SESN1: variants seen among roughly 807,000 people sequenced by gnomAD.
The protein encoded by SESN1 is sestrin-1.
In SESN1, 30 loss-of-function variants were observed where a neutral mutation model predicts 59.3. The ratio of observed to expected loss-of-function variants is 0.51; its 90% CI spans 0.38 to 0.69. The LOEUF (loss-of-function observed/expected upper bound fraction) is 0.69, where lower values mean the gene tolerates loss of function less well. SESN1 is among the 30% of genes least tolerant of loss of function. The pLI is 0.00. For synonymous variants in SESN1, 197 were observed against 219.9 expected, an observed-to-expected ratio of 0.90 and a Z score of 0.92; for missense variants, 566 against 673.0, an observed-to-expected ratio of 0.84 and a Z score of 1.76.
chr6:108,984,862 G>A lies in SESN1; in HGVS notation c.*2682C>T, dbSNP rs967072818. 1.3e-5 allele frequency among the ~76,000 whole-genome samples: 2 copies of A among 152,038 alleles called. No homozygotes were observed. The highest frequency in any genetic ancestry group is 2.4e-5 in the African/African-American group (1 of 41,406). On this transcript the variant is annotated 3_prime_UTR_variant, in exon 10 of 10. Transcript: ENST00000436639. ...ACAAACTTTCCTAGCCTTTTGGTGC[G>A]GCCTTTTCCTGGCTTTGCATTTGCC...
chr6:109,009,375 C>A, intron 1 of SESN1: 1 of 1,468,092 alleles, frequency 6.8e-7, no homozygotes, highest in Non-Finnish European at 9.0e-7. Context: ...CTGGTCGCGG[C>A]CCCCGCCGCA....
intron 1 of SESN1, among the ~76,000 whole-genome samples, chr6:109,037,409 G>T (rs909388828): frequency 6.6e-6 from 1 of 152,120 alleles, no homozygotes; most frequent in African/African-American, 2.4e-5. Context: ...TCTTTGCAGA[G>T]CAATAATTAA....
chr6:109,012,589 T>C (rs1779877000), intron 1 of SESN1, among the ~76,000 whole-genome samples: 1 of 152,160 alleles, frequency 6.6e-6, no homozygotes, highest in Non-Finnish European at 1.5e-5. Flanking sequence ...CAAGATAGGC[T>C]TCCTGAAGGA....
intron 1 of SESN1, among the ~76,000 whole-genome samples, chr6:109,037,326 A>G (rs1780265050): frequency 6.6e-6 from 1 of 152,232 alleles, no homozygotes; most frequent in African/African-American, 2.4e-5. Context: ...AGGGCACAGA[A>G]AAGAAGTATG....
chr6:109,000,846 G>A (rs573274706), intron 3 of SESN1, among the ~76,000 whole-genome samples, 173 bp from the exon 4 acceptor site: 9 of 152,180 alleles, frequency 5.9e-5, no homozygotes, highest in African/African-American at 2.2e-4. Context: ...AATACTGTAA[G>A]AACCTTAGAA....
intron 7 of SESN1, 75 bp from the exon 8 acceptor site, chr6:108,990,910 G>A (rs1054646371): frequency 7.8e-6 from 10 of 1,282,130 alleles, no homozygotes; most frequent in Middle Eastern, 2.7e-4. Flanking sequence ...CTGTAGCATG[G>A]TAAAAATCAT....
chr6:108,992,872 G>A lies in SESN1; in HGVS notation c.1148C>T (p.Ala383Val). The change falls in exon 7 of 10, where the codon GCT (alanine) becomes GTT (valine). Residue 383 changes from alanine (A) to valine (V), a missense_variant. Ala to Val is a moderately conservative substitution (Grantham distance 64). Transcript: ENST00000436639. ...SDDEEVTPAR[A>V]VSRHFEDTSY... Reference sequence around the variant, plus strand: ...AGTATCCTCAAAATGACGAGATACAGCTCTTGCTGGTGTAACTTCTTCATC... The same window carrying A: ...AGTATCCTCAAAATGACGAGATACAACTCTTGCTGGTGTAACTTCTTCATC... The A allele has an allele frequency of 6.2e-7, 1 of 1,612,746 alleles. No homozygotes were observed. The highest frequency in any genetic ancestry group is 8.5e-7 in the Non-Finnish European group (1 of 1,179,088).
chr6:109,010,661 G>A (rs1779843311), intron 1 of SESN1, among the ~76,000 whole-genome samples: 1 of 151,062 alleles, frequency 6.6e-6, no homozygotes, highest in Non-Finnish European at 1.5e-5. Context: ...TAATAAATAA[G>A]ATAAATGATA....
intron 1 of SESN1, among the ~76,000 whole-genome samples, chr6:109,015,923 AT>A (rs781222860): frequency 2.6e-5 from 4 of 152,216 alleles, no homozygotes; most frequent in Non-Finnish European, 5.9e-5. Flanking sequence ...TAGTGCTTCT[AT>A]TTGTGCACAG....
In SESN1 at chr6:109,000,465, C is replaced by T. The variant is rs1779591960; in HGVS notation, c.729+26G>A. On this transcript the variant is annotated intron_variant, in intron 4 of 9. Transcript: ENST00000436639. The stretch of plus-strand genomic sequence containing the variant: ...GCTCTAAAAAAGTCTGAAATGACTC[C>T]CAAGATATATTACCCCACTGCTTAC... 5 of 1,460,080 alleles carry T rather than the reference C, an allele frequency of 3.4e-6. No homozygotes were observed. In the East Asian group the frequency reaches 1.3e-4, roughly 37 times the overall value. The allele number at this position is 1,460,080 out of a possible 1,614,324, so 90.4% of individuals were successfully genotyped here. A position where few individuals can be genotyped will look rare whatever the true frequency, so the allele number is the denominator to read the frequency against.
At chr6:109,092,712 A>G (rs1159423097) in intron 1 of SESN1, among the ~76,000 whole-genome samples, 1 of 152,212 alleles carries the variant, frequency 6.6e-6, no homozygotes, top group Non-Finnish European at 1.5e-5. Flanking sequence ...AGATAGAGAA[A>G]TAACTTTTTG....
chr6:108,991,495 G>C (rs1583258561), intron 7 of SESN1, among the ~76,000 whole-genome samples: 1 of 152,168 alleles, frequency 6.6e-6, no homozygotes, highest in East Asian at 1.9e-4. Context: ...TCCCATCTTG[G>C]TCTCTCAAAG....
chr6:109,009,063 G>A, intron 1 of SESN1: 1 of 944,008 alleles, frequency 1.1e-6, no homozygotes, highest in South Asian at 4.5e-5. Flanking sequence ...TTACGTATTG[G>A]AGACTTTCAT....
chr6:109,002,777 A>G (rs1779654165), intron 1 of SESN1, among the ~76,000 whole-genome samples: 1 of 152,250 alleles, frequency 6.6e-6, no homozygotes. Context: ...AAAAAGTGTA[A>G]TTATTATTAC....
In SESN1 at chr6:108,987,541, G is replaced by C; in HGVS notation, c.*3C>G. The C allele has an allele frequency of 6.5e-7, 1 of 1,531,940 alleles. No homozygotes were observed. Among genetic ancestry groups the C allele is most frequent in the Non-Finnish European group, 9.0e-7 (1 of 1,106,528 alleles). The allele number at this position is 1,531,940 out of a possible 1,614,324, so 94.9% of individuals were successfully genotyped here. On this transcript the variant is annotated 3_prime_UTR_variant, in exon 10 of 10. Coordinates refer to ENST00000436639, the MANE Select transcript of SESN1 (RefSeq NM_014454.3). ...CAGAATCATCTTTAATGAAGGAAAGGCATCAGGTCATATAGCGGGTAATGG... is the reference window on the plus strand; with the variant it reads ...CAGAATCATCTTTAATGAAGGAAAGCCATCAGGTCATATAGCGGGTAATGG...
Position 109,021,330 on chromosome 6 carries a change from T to C in SESN1, c.280-18987A>G, listed in dbSNP as rs1780007494. Among the ~76,000 whole-genome samples, 3 of 152,296 alleles carry C rather than the reference T, an allele frequency of 2.0e-5. No individual in the cohort carries two copies. The South Asian group carries it at 6.2e-4, about 32-fold the overall frequency. ...GAGGTTTGCTAATAACATTGTAGGA[T>C]GCTGTAAAATAAGTGTATAGATGTG... On this transcript the variant is annotated intron_variant, in intron 1 of 9. Coordinates refer to ENST00000436639, the MANE Select transcript of SESN1 (RefSeq NM_014454.3).
chr6:109,012,190 C>T (rs927360725), intron 1 of SESN1, among the ~76,000 whole-genome samples: 2 of 151,644 alleles, frequency 1.3e-5, no homozygotes, highest in Non-Finnish European at 2.9e-5. Flanking sequence ...GTTGTCAGTA[C>T]AGGCCAGAGC....
chr6:109,073,074 A>G (rs2114467777), intron 1 of SESN1, among the ~76,000 whole-genome samples: 1 of 152,278 alleles, frequency 6.6e-6, no homozygotes, highest in South Asian at 2.1e-4. Flanking sequence ...TAAACTCTGG[A>G]GACCAAATGT....
chr6:109,008,384 A>G (rs1358995392), intron 1 of SESN1, among the ~76,000 whole-genome samples: 1 of 152,252 alleles, frequency 6.6e-6, no homozygotes, highest in Non-Finnish European at 1.5e-5. Flanking sequence ...AGATTTTTAA[A>G]GATTGTTTTA....
Sources: gnomAD v4.1 joint callset for allele counts (sites outside exome capture counted in the v4.1 genomes callset) on GRCh38, gnomAD v4.1.1 for gene constraint, MANE v1.5 for transcripts, NCBI Gene and HGNC (gene_info 2026-07-23, HGNC 2026-07-21) for gene names.